Variants in VPS13C observed in about 807,000 individuals in gnomAD.
VPS13C encodes intermembrane lipid transfer protein VPS13C.
Under a neutral mutation model 456.8 loss-of-function variants are expected in VPS13C, and 358 were observed. The observed-to-expected ratio is 0.78, with a 90% CI of 0.72 to 0.86. The LOEUF (loss-of-function observed/expected upper bound fraction) is 0.86. Among genes scored for constraint, VPS13C ranks in the 40% least tolerant of loss-of-function variants. The probability of loss-of-function intolerance (pLI) is 0.00; values close to 1 mark genes in which losing one functional copy is unlikely to be tolerated. For synonymous variants in VPS13C, 1,578 were observed against 1,486.7 expected (o/e 1.06, Z -1.41); for missense variants, 4,818 against 4,385.4 (o/e 1.10, Z -2.79).
rs1421791608 is a variant in VPS13C, at chr15:61,911,932, C to T, written c.8623G>A (p.Ala2875Thr). The change falls in exon 63 of 85, where the codon GCA (alanine) becomes ACA (threonine). Residue 2875 changes from alanine to threonine, a missense_variant. Coordinates refer to ENST00000644861, the MANE Select transcript of VPS13C (RefSeq NM_020821.3). ...IVTLTPFCTI[A>T]NKSSLELEVG... Reference sequence around the variant, plus strand: ...TCTAGTTCTAATGATGACTTGTTTGCAATGGTACAAAAGGGAGTCAGGGTA... The same window carrying T: ...TCTAGTTCTAATGATGACTTGTTTGTAATGGTACAAAAGGGAGTCAGGGTA... 1 of 1,612,690 alleles carries T rather than the reference C, an allele frequency of 6.2e-7. No homozygotes were observed. The highest frequency in any genetic ancestry group is 8.5e-7 in the Non-Finnish European group (1 of 1,179,316).
rs761567232 is a variant in VPS13C, at chr15:62,044,247, C to A, written c.109G>T (p.Ala37Ser). ...LKLGIWGGNV[A>S]LDNLQIKENA... is the part of the protein sequence containing the mutation. ...TCTTTTATCTGTAGATTATCTAAAGCCACATTTCCTTTAAAAAAAGAAAAC... is the reference window on the plus strand; with the variant it reads ...TCTTTTATCTGTAGATTATCTAAAGACACATTTCCTTTAAAAAAAGAAAAC... The change falls in exon 2 of 85, where the codon GCT (alanine) becomes TCT (serine). Residue 37 changes from alanine (A) to serine (S), a missense_variant. Transcript: ENST00000644861. The A allele has an allele frequency of 6.8e-7, 1 of 1,473,056 alleles. No individual in the cohort carries two copies. The highest frequency in any genetic ancestry group is 1.4e-5 in the African/African-American group (1 of 70,728). 91.2% of individuals were successfully genotyped at this position (1,473,056 alleles called of 1,614,324 possible).
chr15:62,004,407 C>CT (rs1238640441), intron 15 of VPS13C, among the ~76,000 whole-genome samples: 1 of 152,024 alleles, frequency 6.6e-6, no homozygotes, highest in African/African-American at 2.4e-5. Flanking sequence ...TGATTCTTCT[C>CT]TTTTTTCTTC....
chr15:62,048,324 G>A (rs575528731), intron 1 of VPS13C, among the ~76,000 whole-genome samples: 150 of 129,248 alleles, frequency 1.2e-3, no homozygotes, highest in African/African-American at 4.2e-3. Context: ...TCATTGTTCA[G>A]TTCCCACCTA....
intron 3 of VPS13C, among the ~76,000 whole-genome samples, chr15:62,038,688 A>G (rs1192763626): frequency 2.6e-5 from 4 of 152,220 alleles, no homozygotes; most frequent in Non-Finnish European, 5.9e-5. Context: ...AAGGTAGAAA[A>G]TATTTGCAAA....
chr15:61,890,040 CT>C, intron 67 of VPS13C, 124 bp downstream of exon 67: 5 of 812,162 alleles, frequency 6.2e-6, no homozygotes, highest in Non-Finnish European at 5.7e-6. Context: ...ATTCAGTAAG[CT>C]TTACTGAATA....
Position 62,033,536 on chromosome 15 carries a change from T to C in VPS13C, c.290A>G (p.Lys97Arg). The C allele has an allele frequency of 1.3e-6, 2 of 1,585,730 alleles. No individual in the cohort carries two copies. Among genetic ancestry groups the C allele is most frequent in the Non-Finnish European group, 8.6e-7 (1 of 1,163,252 alleles). The stretch of plus-strand genomic sequence containing the variant: ...TTTTTCTTCTTTTACAGCATCATAC[T>C]TAATACCTAAAAATATACAGTCAAT... ...YLLVVPGASI[K>R]YDAVKEEKSL... Residue 97 changes from lysine (K) to arginine (R), a missense_variant, in exon 5 of 85, where the codon AAG (lysine) becomes AGG (arginine). Around this residue, in one of 3 missense-constraint regions of VPS13C, gnomAD observed 4,552 missense variants for 4,130.6 expected, o/e 1.10. Coordinates refer to ENST00000644861, the MANE Select transcript of VPS13C (RefSeq NM_020821.3).
chr15:61,863,477 G>C lies in VPS13C; in HGVS notation c.10915C>G (p.Pro3639Ala). Reference sequence around the variant, plus strand: ...ATAAGGATTGTCTTCTTGCTTCCAGGAATAGCACAGTGGTATCGGTAAGTC... The same window carrying C: ...ATAAGGATTGTCTTCTTGCTTCCAGCAATAGCACAGTGGTATCGGTAAGTC... ...GETYRYHCAI[P>A]GSKKTILMVT... Residue 3639 changes from proline to alanine, a missense_variant, in exon 82 of 85, where the codon CCT (proline) becomes GCT (alanine). Around this residue, in one of 3 missense-constraint regions of VPS13C, gnomAD observed 261 missense variants for 234.1 expected, o/e 1.11. Coordinates refer to ENST00000644861, the MANE Select transcript of VPS13C (RefSeq NM_020821.3). 3 of 1,612,840 alleles carry C rather than the reference G, an allele frequency of 1.9e-6. No individual in the cohort carries two copies. The highest frequency in any genetic ancestry group is 2.5e-6 in the Non-Finnish European group (3 of 1,179,246).
At chr15:62,037,722 A>G (rs1182331287) in intron 3 of VPS13C, among the ~76,000 whole-genome samples, 1 of 151,838 alleles carries the variant, frequency 6.6e-6, no homozygotes, top group Non-Finnish European at 1.5e-5. Context: ...GAATAAATGA[A>G]TGGCTACAAC....
intron 1 of VPS13C, among the ~76,000 whole-genome samples, chr15:62,054,949 C>A (rs978051765): frequency 2.0e-5 from 3 of 152,202 alleles, no homozygotes; most frequent in African/African-American, 7.2e-5. Flanking sequence ...ATCCACTTTA[C>A]AGATTACGAG....
chr15:62,015,468 T>C (rs2047200654), intron 9 of VPS13C, among the ~76,000 whole-genome samples: 1 of 151,836 alleles, frequency 6.6e-6, no homozygotes, highest in Non-Finnish European at 1.5e-5. Flanking sequence ...GGTTTTCTTC[T>C]AGGGTTTTTA....
chr15:62,001,991 G>C (rs2046638483), intron 15 of VPS13C, among the ~76,000 whole-genome samples: 1 of 152,188 alleles, frequency 6.6e-6, no homozygotes, highest in African/African-American at 2.4e-5. Flanking sequence ...GTGTGCATGT[G>C]TCTTTATAGC....
At chr15:62,004,239 T>C (rs2046745647) in intron 15 of VPS13C, among the ~76,000 whole-genome samples, 1 of 151,468 alleles carries the variant, frequency 6.6e-6, no homozygotes, top group Non-Finnish European at 1.5e-5. Flanking sequence ...TCTTCCTGGT[T>C]TAGTCTTGGG....
At chr15:61,921,817 G>A (rs369274669) in intron 55 of VPS13C, 130 bp downstream of exon 55, 8 of 783,158 alleles carry the variant, frequency 1.0e-5, no homozygotes, top group Admixed American at 2.6e-5. Context: ...AAAGAGTTCT[G>A]ACCTCATGGA....
At chr15:61,863,622 G>GA (rs1161631471) in intron 81 of VPS13C, 94 bp from the exon 82 acceptor site, 5 of 724,486 alleles carry the variant, frequency 6.9e-6, no homozygotes, top group Non-Finnish European at 1.1e-5. Context: ...ATAGTGTTAG[G>GA]AAAAAATTAA....
intron 24 of VPS13C, among the ~76,000 whole-genome samples, chr15:61,976,237 C>T (rs2045698833): frequency 1.3e-5 from 2 of 151,854 alleles, no homozygotes; most frequent in Middle Eastern, 3.4e-3. Flanking sequence ...TTAACATCCA[C>T]CTGATAAAGG....
intron 76 of VPS13C, among the ~76,000 whole-genome samples, chr15:61,875,292 T>G (rs978770025): frequency 1.3e-5 from 2 of 152,076 alleles, no homozygotes; most frequent in Admixed American, 6.6e-5. Context: ...ACAGATTTTT[T>G]TACTGTCTTA....
At chr15:61,889,548 A>T (rs762778180) in intron 67 of VPS13C, among the ~76,000 whole-genome samples, 1 of 152,188 alleles carries the variant, frequency 6.6e-6, no homozygotes, top group African/African-American at 2.4e-5. Context: ...CTTTTACCAA[A>T]TTAAGTGTGA....
chr15:62,012,542 TA>T (rs1286884448), intron 11 of VPS13C, among the ~76,000 whole-genome samples: 1 of 151,960 alleles, frequency 6.6e-6, no homozygotes, highest in Non-Finnish European at 1.5e-5. Flanking sequence ...TATCCAGTTC[TA>T]AAAATTGAAT....
At chr15:62,058,010 CATA>C (rs1451427477) in intron 1 of VPS13C, among the ~76,000 whole-genome samples, 2 of 152,064 alleles carry the variant, frequency 1.3e-5, no homozygotes, top group Non-Finnish European at 2.9e-5. Context: ...GTAAATATGG[CATA>C]ATATTATAAC....
Sources: allele counts gnomAD v4.1 joint callset (sites outside exome capture counted in the v4.1 genomes callset), GRCh38; gene constraint gnomAD v4.1.1; regional missense constraint gnomAD v4.1.1; transcripts MANE v1.5; gene names NCBI Gene and HGNC (gene_info 2026-07-23, HGNC 2026-07-21).